Variants in BBX observed in about 807,000 individuals in gnomAD.
The protein encoded by BBX is HMG box transcription factor BBX.
Under a neutral mutation model 100.2 loss-of-function variants are expected in BBX, and 30 were observed. That is an observed-to-expected ratio of 0.30 (90% confidence interval 0.22 to 0.41). BBX has a LOEUF of 0.41. Ranked by LOEUF, BBX falls within the 10% of genes least tolerant of loss-of-function variation. The pLI is 1.00. For missense variants in BBX, 1,023 were observed against 1,129.8 expected (o/e 0.91, Z 1.35); for synonymous variants, 376 against 388.1 (o/e 0.97, Z 0.37).
chr3:107,798,422 T>C (rs565329770), intron 15 of BBX, 101 bp from the exon 16 acceptor site: 3 of 1,112,758 alleles, frequency 2.7e-6, no homozygotes, highest in Non-Finnish European at 4.0e-6. Flanking sequence ...GTGTAAATTC[T>C]CCATTCAGAC....
intron 12 of BBX, among the ~76,000 whole-genome samples, chr3:107,776,677 A>G (rs1488305023): frequency 6.6e-6 from 1 of 152,178 alleles, no homozygotes; most frequent in Non-Finnish European, 1.5e-5. Flanking sequence ...GTATTGACAG[A>G]TCTAATTTTA....
At chr3:107,553,659 C>T (rs1214366834) in intron 2 of BBX, among the ~76,000 whole-genome samples, 1 of 152,168 alleles carries the variant, frequency 6.6e-6, no homozygotes, top group Non-Finnish European at 1.5e-5. Flanking sequence ...CTGAAAGATA[C>T]TGTATCATTC....
At chr3:107,790,413 T>C (rs1266638122) in intron 14 of BBX, among the ~76,000 whole-genome samples, 1 of 152,108 alleles carries the variant, frequency 6.6e-6, no homozygotes, top group Non-Finnish European at 1.5e-5. Context: ...TGTTCCGACC[T>C]CTTTCAGTCA....
At chr3:107,532,590 G>A (rs2048234984) in intron 2 of BBX, among the ~76,000 whole-genome samples, 1 of 152,100 alleles carries the variant, frequency 6.6e-6, no homozygotes, top group Non-Finnish European at 1.5e-5. Flanking sequence ...GATAAATGGG[G>A]AATACATTAA....
Position 107,693,024 on chromosome 3 carries a change from T to C in BBX, c.-9-17428T>C, listed in dbSNP as rs1331050543. Among the ~76,000 whole-genome samples the C allele has an allele frequency of 6.2e-5, 9 of 144,918 alleles. No individual in the cohort carries two copies. The South Asian group carries it at 6.8e-4, about 11-fold the overall frequency. The stretch of plus-strand genomic sequence containing the variant: ...TTGAGAAGTGTCTGTTCATGTCCTT[T>C]GCCCACTTTTTGATGGGGTTGTTTG... On this transcript the variant is annotated intron_variant, in intron 3 of 17. Coordinates refer to ENST00000325805, the MANE Select transcript of BBX (RefSeq NM_001142568.3).
At chr3:107,534,722 A>G (rs1456402504) in intron 2 of BBX, among the ~76,000 whole-genome samples, 1 of 152,234 alleles carries the variant, frequency 6.6e-6, no homozygotes, top group African/African-American at 2.4e-5. Flanking sequence ...ACATCCCTAC[A>G]TATGAAAGTG....
intron 13 of BBX, 41 bp from the exon 14 acceptor site, chr3:107,789,746 A>G (rs1354299410): frequency 3.0e-6 from 4 of 1,311,670 alleles, no homozygotes; most frequent in South Asian, 1.6e-5. Context: ...TTTATGAAAC[A>G]TTGTGAATTT....
intron 2 of BBX, among the ~76,000 whole-genome samples, chr3:107,607,894 A>G (rs1257510720): frequency 6.6e-6 from 1 of 151,966 alleles, no homozygotes; most frequent in African/African-American, 2.4e-5. Flanking sequence ...GGCCATTTTA[A>G]AATTAGATTA....
intron 3 of BBX, among the ~76,000 whole-genome samples, chr3:107,709,586 T>C (rs1458680413): frequency 2.6e-5 from 4 of 152,226 alleles, no homozygotes; most frequent in Non-Finnish European, 4.4e-5. Flanking sequence ...GTAATTTCTA[T>C]TTTAACATTA....
At chr3:107,524,555 C>T (rs1487484961) in intron 1 of BBX, 5 of 134,222 alleles carry the variant, frequency 3.7e-5, no homozygotes, top group African/African-American at 1.4e-4. Flanking sequence ...ATCATTTCTG[C>T]TAAATGAGGA....
At position 107,809,110 on chromosome 3, in the gene BBX, T is replaced by C. The variant is rs1559838932; in HGVS notation, c.*3653T>C. 1 of 152,236 alleles carries C rather than the reference T, an allele frequency of 6.6e-6. No individual in the cohort carries two copies. Among genetic ancestry groups the C allele is most frequent in the Non-Finnish European group, 1.5e-5 (1 of 68,044 alleles). The allele number at this position is 152,236 out of a possible 1,614,324, so 9.4% of individuals were successfully genotyped here. A position where few individuals can be genotyped will look rare whatever the true frequency, so the allele number is the denominator to read the frequency against. The stretch of plus-strand genomic sequence containing the variant: ...TTGCACTCTGCAGTCTTTGGCTCAA[T>C]GTATGGAAATGTTTGCACCTATGTA... On this transcript the variant is annotated 3_prime_UTR_variant, in exon 18 of 18. Coordinates refer to ENST00000325805, the MANE Select transcript of BBX (RefSeq NM_001142568.3).
intron 3 of BBX, among the ~76,000 whole-genome samples, chr3:107,670,273 C>T (rs577252667): frequency 3.0e-3 from 460 of 152,016 alleles, no homozygotes; most frequent in Non-Finnish European, 4.9e-3. Context: ...AGAAATGAAA[C>T]TGATGTCTTA....
chr3:107,643,635 C>T (rs1255684649), intron 2 of BBX, among the ~76,000 whole-genome samples: 2 of 151,930 alleles, frequency 1.3e-5, no homozygotes, highest in East Asian at 3.9e-4. Flanking sequence ...TTCAAGTCAC[C>T]GTTCTATAGG....
intron 3 of BBX, among the ~76,000 whole-genome samples, chr3:107,671,283 T>C (rs1435789858): frequency 6.6e-6 from 1 of 152,132 alleles, no homozygotes; most frequent in Non-Finnish European, 1.5e-5. Flanking sequence ...ATATTTTGGC[T>C]GCTGTAATAA....
intron 3 of BBX, among the ~76,000 whole-genome samples, chr3:107,672,624 T>C (rs180840870): frequency 9.9e-5 from 15 of 152,080 alleles, no homozygotes; most frequent in Admixed American, 7.9e-4. Flanking sequence ...CAAACTAGGG[T>C]ATATTTTTAT....
chr3:107,748,018 T>C lies in BBX; in HGVS notation c.804T>C (p.Ser268=), dbSNP rs763584168. ...CTTCTACAAAGCAGTGTCAAACATC[T>C]GCCTTGTTTCAGTTTGCAGAGGTAT... The part of the protein sequence containing the change: ...SDASTKQCQT[S]ALFQFAEISS... Residue 268 remains serine, a synonymous_variant, in exon 9 of 18, where the codon TCT becomes TCC. Coordinates refer to ENST00000325805, the MANE Select transcript of BBX (RefSeq NM_001142568.3). 6.2e-7 allele frequency: 1 copy of C among 1,613,702 alleles called. No individual in the cohort carries two copies. Among genetic ancestry groups the C allele is most frequent in the South Asian group, 1.1e-5 (1 of 91,028 alleles).
intron 6 of BBX, among the ~76,000 whole-genome samples, chr3:107,732,613 A>G (rs192003641): frequency 7.5e-4 from 115 of 152,340 alleles, no homozygotes; most frequent in Admixed American, 6.6e-3. Flanking sequence ...AGACAAACAG[A>G]AACATTCTTT....
intron 2 of BBX, among the ~76,000 whole-genome samples, chr3:107,577,873 T>C (rs1171040816): frequency 6.6e-6 from 1 of 152,072 alleles, no homozygotes. Flanking sequence ...TGGCCAAGCA[T>C]AGAGGGCTAT....
chr3:107,677,750 T>C (rs2059358678), intron 3 of BBX, among the ~76,000 whole-genome samples: 1 of 152,206 alleles, frequency 6.6e-6, no homozygotes, highest in African/African-American at 2.4e-5. Context: ...TTTAAGTTAC[T>C]TGTAAGTTGA....
Sources: allele counts gnomAD v4.1 joint callset (sites outside exome capture counted in the v4.1 genomes callset), GRCh38; gene constraint gnomAD v4.1.1; transcripts MANE v1.5; gene names NCBI Gene and HGNC (gene_info 2026-07-23, HGNC 2026-07-21).